EPM2A: variants seen among roughly 807,000 people sequenced by gnomAD.
EPM2A encodes the protein EPM2A glucan phosphatase, laforin, also known as laforin.
A neutral mutation model predicts 26.5 loss-of-function variants in EPM2A; 21 were observed. The observed-to-expected ratio is 0.79, with a 90% confidence interval of 0.56 to 1.14. The LOEUF is 1.14. EPM2A is among the 50% of genes most tolerant of loss of function. The pLI, the probability that EPM2A is intolerant of heterozygous loss-of-function variation, is 0.00. For missense variants in EPM2A, 458 were observed against 440.8 expected (o/e 1.04, Z -0.35); for synonymous variants, 217 against 177.6 (o/e 1.22, Z -1.76).
At chr6:145,422,727 A>C (rs1178889182) in intron 4 of EPM2A, among the ~76,000 whole-genome samples, 1 of 152,098 alleles carries the variant, frequency 6.6e-6, no homozygotes, top group African/African-American at 2.4e-5. Flanking sequence ...TATTGGCAGT[A>C]CAATAAAACA....
chr6:145,505,905 A>T (rs866995409), intron 2 of EPM2A, among the ~76,000 whole-genome samples: 2 of 152,250 alleles, frequency 1.3e-5, no homozygotes, highest in South Asian at 4.1e-4. Context: ...ACTATTTATC[A>T]CTAATGACAA....
chr6:145,641,498 G>T (rs901384041), intron 2 of EPM2A, among the ~76,000 whole-genome samples: 6 of 152,166 alleles, frequency 3.9e-5, no homozygotes, highest in African/African-American at 1.2e-4. Context: ...TATTGTTTAA[G>T]CCACACTGTC....
intron 4 of EPM2A, among the ~76,000 whole-genome samples, chr6:145,386,837 CAG>C (rs1437883953): frequency 1.3e-5 from 2 of 152,160 alleles, no homozygotes; most frequent in Non-Finnish European, 2.9e-5. Flanking sequence ...CTCTCATAAT[CAG>C]TGGGATTTTT....
downstream of EPM2A, among the ~76,000 whole-genome samples, chr6:145,621,237 T>G (rs1203430962): frequency 6.6e-6 from 1 of 152,230 alleles, no homozygotes; most frequent in Non-Finnish European, 1.5e-5. Flanking sequence ...CACAAGGTCC[T>G]CAAGTTTTAA....
intron 4 of EPM2A, among the ~76,000 whole-genome samples, chr6:145,470,719 T>C (rs967499196): frequency 3.3e-5 from 5 of 152,186 alleles, no homozygotes; most frequent in African/African-American, 1.2e-4. Flanking sequence ...TATAGATTTA[T>C]TGGAAGATAC....
At chr6:145,456,169 G>A (rs774795065) in intron 4 of EPM2A, among the ~76,000 whole-genome samples, 2 of 152,164 alleles carry the variant, frequency 1.3e-5, no homozygotes, top group Non-Finnish European at 2.9e-5. Flanking sequence ...TGAGGTAGAA[G>A]ACCTTGAGGT....
intron 2 of EPM2A, among the ~76,000 whole-genome samples, chr6:145,514,262 G>A (rs777866053): frequency 3.3e-5 from 5 of 152,186 alleles, no homozygotes; most frequent in East Asian, 3.9e-4. Flanking sequence ...ACTGCCCCAC[G>A]ACTCCATATT....
intron 2 of EPM2A, among the ~76,000 whole-genome samples, chr6:145,653,306 A>AGTT (rs1379720949): frequency 6.6e-6 from 1 of 152,204 alleles, no homozygotes; most frequent in Non-Finnish European, 1.5e-5. Flanking sequence ...TTTATAAGGC[A>AGTT]GTTTTCCCTG....
chr6:145,552,255 C>T (rs1780665203), intron 2 of EPM2A, among the ~76,000 whole-genome samples: 1 of 151,944 alleles, frequency 6.6e-6, no homozygotes, highest in Non-Finnish European at 1.5e-5. Context: ...GAAGCCAATA[C>T]ATCTCAAGTA....
intron 4 of EPM2A, among the ~76,000 whole-genome samples, chr6:145,466,134 A>C (rs1779389245): frequency 6.6e-6 from 1 of 151,466 alleles, no homozygotes; most frequent in Non-Finnish European, 1.5e-5. Context: ...CAAAATTGAC[A>C]AATGGGATCT....
intron 2 of EPM2A, among the ~76,000 whole-genome samples, chr6:145,580,518 T>C (rs1781098758): frequency 6.6e-6 from 1 of 152,160 alleles, no homozygotes; most frequent in Non-Finnish European, 1.5e-5. Context: ...TTTATTTATT[T>C]ACTTTTTTAA....
chr6:145,664,937 C>A (rs1416915427), intron 2 of EPM2A, among the ~76,000 whole-genome samples: 1 of 141,494 alleles, frequency 7.1e-6, no homozygotes, highest in Non-Finnish European at 1.5e-5. Flanking sequence ...GAAATGAAGG[C>A]AGAAATAAAG....
chr6:145,671,694 T>G (rs570039880), intron 2 of EPM2A, among the ~76,000 whole-genome samples: 1 of 152,300 alleles, frequency 6.6e-6, no homozygotes, highest in Non-Finnish European at 1.5e-5. Context: ...AGTAATTAAC[T>G]TCATTCATTT....
At chr6:145,476,398 C>CAAA (rs764541379) in intron 4 of EPM2A, among the ~76,000 whole-genome samples, 1 of 151,666 alleles carries the variant, frequency 6.6e-6, no homozygotes, top group Non-Finnish European at 1.5e-5. Context: ...AAATCAAGAA[C>CAAA]AACAACAACA....
At chr6:145,733,688 G>A (rs993338006) in intron 1 of EPM2A, among the ~76,000 whole-genome samples, 2 of 152,152 alleles carry the variant, frequency 1.3e-5, no homozygotes, top group African/African-American at 4.8e-5. Context: ...AGGATAAACT[G>A]AAGAGGGTAT....
intron 2 of EPM2A, among the ~76,000 whole-genome samples, chr6:145,533,075 C>T (rs1456486948): frequency 6.6e-6 from 1 of 152,130 alleles, no homozygotes; most frequent in Non-Finnish European, 1.5e-5. Context: ...ACAGGTCTAA[C>T]ACAATTAACG....
At chr6:145,701,608 T>A (rs547247410) in intron 1 of EPM2A, among the ~76,000 whole-genome samples, 2 of 152,304 alleles carry the variant, frequency 1.3e-5, no homozygotes, top group East Asian at 3.9e-4. Context: ...AAGATTACCA[T>A]AACTGGTTAT....
chr6:145,642,642 G>C (rs1777169102), intron 2 of EPM2A, among the ~76,000 whole-genome samples: 1 of 152,064 alleles, frequency 6.6e-6, no homozygotes, highest in Non-Finnish European at 1.5e-5. Flanking sequence ...AGAACTACAG[G>C]GGAACGAGAT....
intron 2 of EPM2A, among the ~76,000 whole-genome samples, chr6:145,517,908 C>A (rs1486241323): frequency 6.6e-6 from 1 of 152,050 alleles, no homozygotes; most frequent in Non-Finnish European, 1.5e-5. Context: ...ATCTAAAAAA[C>A]ACAAAAATAA....
Sources: allele counts gnomAD v4.1 joint callset (sites outside exome capture counted in the v4.1 genomes callset), GRCh38; gene constraint gnomAD v4.1.1; transcripts MANE v1.5; gene names NCBI Gene and HGNC (gene_info 2026-07-23, HGNC 2026-07-21).